TRAPPC2: variants seen among roughly 807,000 people sequenced by gnomAD.
The protein encoded by TRAPPC2 is sedlin.
A neutral mutation model predicts 10.0 loss-of-function variants in TRAPPC2; 4 were observed. The ratio of observed to expected loss-of-function variants is 0.40; its 90% confidence interval spans 0.20 to 0.92. TRAPPC2 has a LOEUF of 0.92. Ranked by LOEUF, TRAPPC2 falls within the 40% of genes least tolerant of loss-of-function variation. The probability of loss-of-function intolerance (pLI) is 0.35; values close to 1 mark genes in which losing one functional copy is unlikely to be tolerated. For synonymous variants in TRAPPC2, 36 were observed against 37.3 expected, an observed-to-expected ratio of 0.97 and a Z score of 0.12; for missense variants, 52 against 108.7, an observed-to-expected ratio of 0.48 and a Z score of 2.32.
intron 2 of TRAPPC2, among the ~76,000 whole-genome samples, chrX:13,730,101 C>T (rs1164523053): frequency 1.8e-5 from 2 of 110,804 alleles, no homozygotes; most frequent in African/African-American, 6.6e-5. Context: ...AGCTTCTGCA[C>T]GGCAAAAGAA....
At position 13,715,991 on chromosome X, in the gene TRAPPC2, G is replaced by A. The variant is rs1450712853; in HGVS notation, c.324+13C>T. 1.7e-6 allele frequency: 2 copies of A among 1,176,450 alleles called. No homozygotes were observed. Among genetic ancestry groups the A allele is most frequent in the African/African-American group, 1.8e-5 (1 of 56,796 alleles). ...TTCTCATCAGAATTTAAAAATTATA[G>A]AACATACCATACCTTTATATATAAA... On this transcript the variant is annotated intron_variant, in intron 5 of 5. Coordinates refer to ENST00000380579, the MANE Select transcript of TRAPPC2 (RefSeq NM_001011658.4).
At chrX:13,724,515 G>C (rs1030808647) in intron 2 of TRAPPC2, among the ~76,000 whole-genome samples, 3 of 111,261 alleles carry the variant, frequency 2.7e-5, no homozygotes, top group Admixed American at 9.6e-5. Context: ...ATGCTGACCT[G>C]TTTAACTTCC....
intron 2 of TRAPPC2, among the ~76,000 whole-genome samples, chrX:13,733,646 AATTCTGTCCTCAC>A (rs1373039206): frequency 1.8e-5 from 2 of 112,157 alleles, no homozygotes; most frequent in African/African-American, 6.5e-5. Flanking sequence ...GCTGACATCC[AATTCTGTCCTCAC>A]AGGACTTAGA....
At chrX:13,718,921 C>T (rs893959266) in intron 3 of TRAPPC2, among the ~76,000 whole-genome samples, 21 of 110,838 alleles carry the variant, frequency 1.9e-4, no homozygotes, top group African/African-American at 6.6e-4. Flanking sequence ...TTTGGGAGGC[C>T]GAGGGCAGGC....
At chrX:13,731,982 G>T (rs1256387930) in intron 2 of TRAPPC2, among the ~76,000 whole-genome samples, 1 of 111,612 alleles carries the variant, frequency 9.0e-6, no homozygotes, top group Non-Finnish European at 1.9e-5. Context: ...CCTGTACTTG[G>T]GCTTAAAAAT....
At chrX:13,722,208 C>CAAAAAAAAAAAAAAAAAAAA (rs748574644) in intron 2 of TRAPPC2, 9 of 36,108 alleles carry the variant, frequency 2.5e-4, no homozygotes, top group Non-Finnish European at 3.6e-4. Context: ...TAAGCAGCAG[C>CAAAAAAAAAAAAAAAAAAAA]AAAAAAAAAA....
At chrX:13,728,325 G>A (rs112483078) in intron 2 of TRAPPC2, among the ~76,000 whole-genome samples, 3,365 of 111,592 alleles carry the variant, frequency 0.03, 112 homozygotes, top group African/African-American at 0.093. Flanking sequence ...CAATATCCCC[G>A]ATGAACATTG....
At chrX:13,728,519 A>G (rs1188592433) in intron 2 of TRAPPC2, among the ~76,000 whole-genome samples, 1 of 112,271 alleles carries the variant, frequency 8.9e-6, no homozygotes, top group Non-Finnish European at 1.9e-5. Context: ...ATCTCAATAG[A>G]TGCAGAAAAG....
At chrX:13,719,037 A>G (rs1291883512) in intron 3 of TRAPPC2, among the ~76,000 whole-genome samples, 6 of 110,564 alleles carry the variant, frequency 5.4e-5, no homozygotes, top group African/African-American at 2.0e-4. Context: ...CGCACCTATA[A>G]TCCCAGCTAC....
At chrX:13,727,778 G>A (rs1310470143) in intron 2 of TRAPPC2, among the ~76,000 whole-genome samples, 2 of 111,534 alleles carry the variant, frequency 1.8e-5, no homozygotes, top group African/African-American at 6.5e-5. Context: ...ATAAACACAC[G>A]AAAAACCCTT....
chrX:13,728,337 T>C (rs985212507), intron 2 of TRAPPC2, among the ~76,000 whole-genome samples: 2 of 111,982 alleles, frequency 1.8e-5, no homozygotes, highest in Non-Finnish European at 3.8e-5. Flanking sequence ...TGAACATTGA[T>C]GCGAAAATCC....
intron 5 of TRAPPC2, among the ~76,000 whole-genome samples, 166 bp from the exon 6 acceptor site, chrX:13,714,671 A>C (rs183396815): frequency 1.8e-5 from 2 of 112,688 alleles, no homozygotes; most frequent in Admixed American, 1.9e-4. Flanking sequence ...ACATCCTCTT[A>C]AGGAAATTTT....
chrX:13,724,825 C>T (rs930042913), intron 2 of TRAPPC2, among the ~76,000 whole-genome samples: 2 of 112,404 alleles, frequency 1.8e-5, no homozygotes, highest in Admixed American at 9.3e-5. Flanking sequence ...TGCAAGGGGT[C>T]GGGGGATTTC....
chrX:13,727,261 T>G (rs1448253026), intron 2 of TRAPPC2, among the ~76,000 whole-genome samples: 2 of 111,995 alleles, frequency 1.8e-5, no homozygotes, highest in African/African-American at 6.5e-5. Context: ...CTAATAGACA[T>G]CTACAGAACT....
Position 13,714,465 on chromosome X carries a change from C to T in TRAPPC2, c.365G>A (p.Arg122Gln), listed in dbSNP as rs1433202013. Residue 122 changes from arginine to glutamine, a missense_variant, in exon 6 of 6, where the codon CGA (arginine) becomes CAA (glutamine). Coordinates refer to ENST00000380579, the MANE Select transcript of TRAPPC2 (RefSeq NM_001011658.4). ...AACTTTTCTGTCAAATGCACTTGAT[C>T]GAATAGGAGAATTGGGTTCATAAAA... ...NPFYEPNSPI[R>Q]SSAFDRKVQF... 7.7e-6 allele frequency: 9 copies of T among 1,165,902 alleles called. No individual in the cohort carries two copies. The highest frequency in any genetic ancestry group is 5.3e-5 in the African/African-American group (3 of 56,334).
At chrX:13,717,089 C>A (rs1381612759) in intron 3 of TRAPPC2, among the ~76,000 whole-genome samples, 1 of 100,012 alleles carries the variant, frequency 1.0e-5, no homozygotes, top group African/African-American at 3.8e-5. Flanking sequence ...GAAGAGGTGC[C>A]ATTCACACTA....
chrX:13,717,549 C>T (rs188498741), intron 3 of TRAPPC2, among the ~76,000 whole-genome samples: 123 of 110,949 alleles, frequency 1.1e-3, no homozygotes, highest in African/African-American at 3.9e-3. Context: ...CAAGACCAGC[C>T]TGTCCAATAT....
At chrX:13,727,600 G>T (rs1244745316) in intron 2 of TRAPPC2, among the ~76,000 whole-genome samples, 1 of 112,295 alleles carries the variant, frequency 8.9e-6, no homozygotes, top group African/African-American at 3.2e-5. Context: ...ATTTAAAGCA[G>T]TGTGTAGAGG....
intron 2 of TRAPPC2, among the ~76,000 whole-genome samples, chrX:13,723,028 G>A (rs2046459393): frequency 9.3e-6 from 1 of 107,066 alleles, no homozygotes; most frequent in Admixed American, 9.9e-5. Context: ...CCGGGAGGCG[G>A]AGCTTGCAGT....
Sources: gnomAD v4.1 joint callset for allele counts (sites outside exome capture counted in the v4.1 genomes callset) on GRCh38, gnomAD v4.1.1 for gene constraint, MANE v1.5 for transcripts, NCBI Gene and HGNC (gene_info 2026-07-23, HGNC 2026-07-21) for gene names.